GABRA3: variants seen among roughly 807,000 people sequenced by gnomAD.
GABRA3 encodes the protein gamma-aminobutyric acid receptor subunit alpha-3.
Under a neutral mutation model 30.1 loss-of-function variants are expected in GABRA3, and 10 were observed. That is an observed-to-expected ratio of 0.33 (90% CI 0.20 to 0.56). The LOEUF is 0.56. Ranked by LOEUF, GABRA3 falls within the 20% of genes least tolerant of loss-of-function variation. GABRA3 has a pLI of 0.89. For synonymous variants in GABRA3, 151 were observed against 146.8 expected, an observed-to-expected ratio of 1.03 and a Z score of -0.21; for missense variants, 233 against 392.0, an observed-to-expected ratio of 0.59 and a Z score of 3.42.
intron 1 of GABRA3, among the ~76,000 whole-genome samples, chrX:152,448,320 TA>T (rs1317025467): frequency 7.1e-5 from 8 of 112,245 alleles, no homozygotes; most frequent in Non-Finnish European, 1.3e-4. Flanking sequence ...TTTTACACAT[TA>T]AAGTTTGAGA....
At position 152,167,216 on chromosome X, in the gene GABRA3, C is replaced by G. The variant is rs1936947214; in HGVS notation, c.*1012G>C. ...TGTATGGAAGGAAGAATTTGACTTT[C>G]ATCTGCCAGTAGCCTTCTCTTTTGA... On this transcript the variant is annotated 3_prime_UTR_variant, in exon 10 of 10. Transcript: ENST00000370314. 9.0e-6 allele frequency: 1 copy of G among 111,317 alleles called. No homozygotes were observed. Among genetic ancestry groups the G allele is most frequent in the Non-Finnish European group, 1.9e-5 (1 of 53,078 alleles). The allele number at this position is 111,317 out of a possible 1,213,427, so 9.2% of individuals were successfully genotyped here.
chrX:152,288,597 G>A (rs1021905557), intron 3 of GABRA3, among the ~76,000 whole-genome samples: 3 of 111,841 alleles, frequency 2.7e-5, no homozygotes, highest in Non-Finnish European at 5.6e-5. Context: ...AAGGTCCTGG[G>A]TCCTAGACAC....
intron 4 of GABRA3, among the ~76,000 whole-genome samples, chrX:152,279,420 T>A (rs1367361663): frequency 1.8e-5 from 2 of 111,599 alleles, no homozygotes; most frequent in African/African-American, 6.5e-5. Context: ...CAGATAGTTG[T>A]AGATATGTGG....
At chrX:152,227,492 C>A (rs1171998370) in intron 5 of GABRA3, among the ~76,000 whole-genome samples, 2 of 106,438 alleles carry the variant, frequency 1.9e-5, no homozygotes, top group Non-Finnish European at 3.9e-5. Context: ...TGTGACTAAC[C>A]TGCACATTGT....
rs1280055724 is a variant in GABRA3 at position 152,182,814 on chromosome X, C to G, written c.1143+6916G>C. Among the ~76,000 whole-genome samples, 10 of 42,967 alleles carry G rather than the reference C, an allele frequency of 2.3e-4. No individual in the cohort carries two copies. In the East Asian group the frequency reaches 8.3e-3, roughly 36 times the overall value. The allele number at this position is 42,967 out of a possible 115,157, so 37.3% of individuals were successfully genotyped here. A position where few individuals can be genotyped will look rare whatever the true frequency, so the allele number is the denominator to read the frequency against. ...TATACTATATATGTATATATTTACACCATATATATACATATATATAGTATA... is the reference window on the plus strand; with the variant it reads ...TATACTATATATGTATATATTTACAGCATATATATACATATATATAGTATA... On this transcript the variant is annotated intron_variant, in intron 9 of 9. Coordinates refer to ENST00000370314, the MANE Select transcript of GABRA3 (RefSeq NM_000808.4).
intron 5 of GABRA3, among the ~76,000 whole-genome samples, chrX:152,247,158 T>C (rs1938473202): frequency 9.0e-6 from 1 of 111,667 alleles, no homozygotes; most frequent in East Asian, 2.8e-4. Flanking sequence ...AATTTCATGG[T>C]CTCAATATGA....
At chrX:152,302,257 T>A (rs1939644045) in intron 3 of GABRA3, among the ~76,000 whole-genome samples, 1 of 109,906 alleles carries the variant, frequency 9.1e-6, no homozygotes, top group African/African-American at 3.3e-5. Flanking sequence ...GATTGCCAGA[T>A]TGAAAAAAAA....
At chrX:152,247,806 G>T (rs1938483541) in intron 5 of GABRA3, among the ~76,000 whole-genome samples, 1 of 111,081 alleles carries the variant, frequency 9.0e-6, no homozygotes, top group Non-Finnish European at 1.9e-5. Context: ...TTGCTGTGAG[G>T]ATTAAATTTA....
intron 3 of GABRA3, among the ~76,000 whole-genome samples, chrX:152,338,803 T>C (rs1940271658): frequency 8.9e-6 from 1 of 112,268 alleles, no homozygotes; most frequent in African/African-American, 3.2e-5. Context: ...TTTATCATTG[T>C]ATGTTCTTGG....
intron 3 of GABRA3, among the ~76,000 whole-genome samples, chrX:152,295,906 C>A (rs1939520895): frequency 8.9e-6 from 1 of 112,006 alleles, no homozygotes; most frequent in Non-Finnish European, 1.9e-5. Flanking sequence ...TCCTCTGGCT[C>A]AGGTCAGATT....
At chrX:152,342,100 T>C (rs1476252451) in intron 3 of GABRA3, among the ~76,000 whole-genome samples, 1 of 111,871 alleles carries the variant, frequency 8.9e-6, no homozygotes, top group African/African-American at 3.3e-5. Flanking sequence ...CTCGAACTCC[T>C]GACCTCGTGA....
chrX:152,427,817 C>T (rs1930548712), intron 1 of GABRA3, among the ~76,000 whole-genome samples: 1 of 111,327 alleles, frequency 9.0e-6, no homozygotes, highest in Admixed American at 9.5e-5. Context: ...GGAAGAGGTT[C>T]ATGAAGTGGA....
chrX:152,228,791 C>G (rs1378727612), intron 5 of GABRA3, among the ~76,000 whole-genome samples: 2 of 111,065 alleles, frequency 1.8e-5, no homozygotes, highest in Non-Finnish European at 3.8e-5. Flanking sequence ...TCCAAGGGAA[C>G]TTTAGTTCCC....
chrX:152,263,208 A>G (rs1938763202), intron 4 of GABRA3, among the ~76,000 whole-genome samples: 1 of 110,820 alleles, frequency 9.0e-6, no homozygotes, highest in Non-Finnish European at 1.9e-5. Context: ...GGGTGGGGAC[A>G]CAGCTAAACC....
intron 9 of GABRA3, among the ~76,000 whole-genome samples, chrX:152,175,599 G>A (rs1937063619): frequency 8.9e-6 from 1 of 111,824 alleles, no homozygotes; most frequent in Non-Finnish European, 1.9e-5. Flanking sequence ...AAGCAGGGCA[G>A]TGCAGAAAAA....
At chrX:152,241,117 A>G (rs1487757963) in intron 5 of GABRA3, among the ~76,000 whole-genome samples, 1 of 105,119 alleles carries the variant, frequency 9.5e-6, no homozygotes, top group African/African-American at 3.4e-5. Flanking sequence ...TTTTTTCCCC[A>G]TCTTTGTGGT....
intron 3 of GABRA3, among the ~76,000 whole-genome samples, chrX:152,315,733 C>G (rs1939863496): frequency 1.8e-5 from 2 of 110,511 alleles, no homozygotes; most frequent in South Asian, 7.8e-4. Flanking sequence ...GGCTGTCCCC[C>G]ACTTCCCTGA....
chrX:152,249,244 C>T (rs1447096860), intron 5 of GABRA3, among the ~76,000 whole-genome samples: 1 of 111,019 alleles, frequency 9.0e-6, no homozygotes, highest in East Asian at 2.8e-4. Flanking sequence ...GCCATACAAC[C>T]TCCTGAACTC....
chrX:152,417,398 G>A (rs1930254962), intron 1 of GABRA3, among the ~76,000 whole-genome samples: 1 of 110,399 alleles, frequency 9.1e-6, no homozygotes, highest in South Asian at 3.9e-4. Context: ...AGGATGTGGA[G>A]AAATAGGAAC....
Sources: allele counts gnomAD v4.1 joint callset (sites outside exome capture counted in the v4.1 genomes callset), GRCh38; gene constraint gnomAD v4.1.1; transcripts MANE v1.5; gene names NCBI Gene and HGNC (gene_info 2026-07-23, HGNC 2026-07-21).